The following FMN1 variants were observed in gnomAD, a reference collection of about 807,000 sequenced individuals.
FMN1 encodes the protein formin 1, also known as formin-1.
In FMN1, 110 loss-of-function variants were observed where a neutral mutation model predicts 132.4. The observed-to-expected ratio is 0.83, with a 90% CI of 0.71 to 0.97. The LOEUF (loss-of-function observed/expected upper bound fraction) is 0.97. FMN1 is among the 50% of genes least tolerant of loss of function. FMN1 has a pLI of 0.00. For synonymous variants in FMN1, 722 were observed against 651.7 expected (o/e 1.11, Z -1.64); for missense variants, 1,792 against 1,705.3 (o/e 1.05, Z -0.90).
chr15:33,095,928 A>T (rs189575275), intron 4 of FMN1, among the ~76,000 whole-genome samples: 4 of 151,982 alleles, frequency 2.6e-5, no homozygotes, highest in African/African-American at 7.2e-5. Flanking sequence ...TGATTTTTTT[A>T]AAAACTTCCT....
chr15:33,168,053 T>C (rs1399118208), intron 3 of FMN1, among the ~76,000 whole-genome samples: 1 of 152,212 alleles, frequency 6.6e-6, no homozygotes, highest in Non-Finnish European at 1.5e-5. Flanking sequence ...GTAATTCTCA[T>C]AGTCCTATGA....
rs560816387 is a variant in FMN1 at position 32,788,992 on chromosome 15, CT to C, written c.4130+9811del. On this transcript the variant is annotated intron_variant, in intron 19 of 20. Coordinates refer to ENST00000616417, the MANE Select transcript of FMN1 (RefSeq NM_001277313.2). ...AACCCATATGGGATACATTTAGGGA[CT>C]TCTACCACCAAAACCCAAATAAACA... Among the ~76,000 whole-genome samples, 9 of 152,322 alleles carry C rather than the reference CT, an allele frequency of 5.9e-5. No individual in the cohort carries two copies. The South Asian group carries it at 8.3e-4, about 14-fold the overall frequency.
At chr15:32,823,937 T>C (rs892159464) in intron 17 of FMN1, among the ~76,000 whole-genome samples, 1 of 152,166 alleles carries the variant, frequency 6.6e-6, no homozygotes, top group Non-Finnish European at 1.5e-5. Flanking sequence ...ACTGCAAACA[T>C]AGGGAAGACC....
intron 4 of FMN1, among the ~76,000 whole-genome samples, chr15:33,123,311 G>A (rs577867541): frequency 6.6e-6 from 1 of 151,908 alleles, no homozygotes; most frequent in Admixed American, 6.6e-5. Flanking sequence ...TTGCTCAAAG[G>A]CCTTCCATAG....
chr15:33,097,749 G>A (rs368273297), intron 4 of FMN1, among the ~76,000 whole-genome samples: 2 of 152,090 alleles, frequency 1.3e-5, no homozygotes, highest in East Asian at 3.9e-4. Context: ...ATTAATAACA[G>A]AACTTCAAAA....
At chr15:33,132,366 A>G (rs1484394898) in intron 4 of FMN1, among the ~76,000 whole-genome samples, 2 of 152,218 alleles carry the variant, frequency 1.3e-5, no homozygotes, top group Non-Finnish European at 2.9e-5. Flanking sequence ...AAGATGAAAG[A>G]ATCAGCTAGT....
At chr15:32,887,864 G>A (rs145800034) in intron 16 of FMN1, among the ~76,000 whole-genome samples, 3 of 152,232 alleles carry the variant, frequency 2.0e-5, no homozygotes, top group East Asian at 1.9e-4. Flanking sequence ...TGAGACAACA[G>A]TAAGCATCTA....
chr15:33,123,702 T>C (rs1355739227), intron 4 of FMN1, among the ~76,000 whole-genome samples: 2 of 152,216 alleles, frequency 1.3e-5, no homozygotes, highest in Admixed American at 1.3e-4. Flanking sequence ...GTCCCTTCCA[T>C]GAATTCCTCA....
intron 18 of FMN1, among the ~76,000 whole-genome samples, chr15:32,802,888 T>A (rs982570581): frequency 6.6e-6 from 1 of 152,138 alleles, no homozygotes; most frequent in Non-Finnish European, 1.5e-5. Context: ...CCTAAAAACA[T>A]AGCCATGGAA....
intron 19 of FMN1, among the ~76,000 whole-genome samples, chr15:32,792,305 C>T (rs112068801): frequency 0.026 from 3,866 of 147,332 alleles, 87 homozygotes; most frequent in Non-Finnish European, 0.034. Flanking sequence ...ATTAGCCGGG[C>T]GTGGTGGCAG....
chr15:32,941,449 T>C (rs1163089893), intron 9 of FMN1, among the ~76,000 whole-genome samples: 1 of 152,226 alleles, frequency 6.6e-6, no homozygotes, highest in Non-Finnish European at 1.5e-5. Context: ...ATGTGCACAC[T>C]TCATTATAAA....
intron 4 of FMN1, among the ~76,000 whole-genome samples, chr15:33,111,356 G>A (rs769658292): frequency 6.6e-6 from 1 of 152,154 alleles, no homozygotes; most frequent in Non-Finnish European, 1.5e-5. Context: ...AAGAAGTTGG[G>A]ACTCTCACAA....
At chr15:32,791,826 G>A (rs1355657257) in intron 19 of FMN1, among the ~76,000 whole-genome samples, 1 of 152,176 alleles carries the variant, frequency 6.6e-6, no homozygotes, top group Non-Finnish European at 1.5e-5. Flanking sequence ...AAGAGGAATA[G>A]GCCTTAGTTG....
At chr15:33,132,630 C>T (rs1963596724) in intron 4 of FMN1, among the ~76,000 whole-genome samples, 1 of 152,182 alleles carries the variant, frequency 6.6e-6, no homozygotes, top group African/African-American at 2.4e-5. Context: ...AGAATTGCAA[C>T]AGGAACATCC....
At chr15:33,028,401 G>A (rs1222871150) in intron 6 of FMN1, among the ~76,000 whole-genome samples, 2 of 152,040 alleles carry the variant, frequency 1.3e-5, no homozygotes, top group Admixed American at 1.3e-4. Flanking sequence ...AGTGAGCCAA[G>A]AGCTAATATA....
chr15:33,019,689 G>A (rs1390853925), intron 6 of FMN1, among the ~76,000 whole-genome samples: 2 of 152,222 alleles, frequency 1.3e-5, no homozygotes, highest in Non-Finnish European at 2.9e-5. Context: ...ACTGCTGGGA[G>A]ACCCGGCGCA....
chr15:32,984,471 GGAT>G (rs1460823946), intron 7 of FMN1, among the ~76,000 whole-genome samples: 6 of 152,018 alleles, frequency 3.9e-5, no homozygotes, highest in East Asian at 3.9e-4. Flanking sequence ...TGTAAAATGA[GGAT>G]GATAATACCC....
chr15:33,111,738 C>T (rs1038248336), intron 4 of FMN1, among the ~76,000 whole-genome samples: 2 of 151,862 alleles, frequency 1.3e-5, no homozygotes, highest in South Asian at 2.1e-4. Context: ...CCAGAACAGG[C>T]AAATCTACGG....
chr15:33,067,758 T>A (rs1176466131), intron 5 of FMN1: 5 of 1,613,904 alleles, frequency 3.1e-6, no homozygotes. Context: ...TCTAATTTAC[T>A]CGTAAACCCA....
Sources: gnomAD v4.1 joint callset for allele counts (sites outside exome capture counted in the v4.1 genomes callset) on GRCh38, gnomAD v4.1.1 for gene constraint, MANE v1.5 for transcripts, NCBI Gene and HGNC (gene_info 2026-07-23, HGNC 2026-07-21) for gene names.